Variants in ADGRB3 observed in about 807,000 individuals in gnomAD.
ADGRB3 encodes brain-specific angiogenesis inhibitor 3.
ADGRB3 carries 37 observed loss-of-function variants against 193.4 expected under a neutral mutation model. The observed-to-expected ratio is 0.19, with a 90% CI of 0.15 to 0.25. ADGRB3 has a LOEUF of 0.25. Among genes scored for constraint, ADGRB3 ranks in the 10% least tolerant of loss-of-function variants. The pLI is 1.00. For missense variants in ADGRB3, 1,637 were observed against 1,852.9 expected (o/e 0.88, Z 2.14); for synonymous variants, 690 against 644.2 (o/e 1.07, Z -1.08).
chr6:68,801,347 G>T (rs1258631695), intron 3 of ADGRB3, among the ~76,000 whole-genome samples: 5 of 152,162 alleles, frequency 3.3e-5, no homozygotes, highest in Non-Finnish European at 7.4e-5. Context: ...AAAAAAGAGA[G>T]TCTCTATCCT....
intron 19 of ADGRB3, 117 bp downstream of exon 19, chr6:69,235,252 T>C: frequency 2.5e-6 from 2 of 803,576 alleles, no homozygotes; most frequent in Non-Finnish European, 2.0e-6. Context: ...GCAGTATTTT[T>C]ACAACAGAGT....
chr6:69,112,698 C>T (rs1398697928), intron 17 of ADGRB3, among the ~76,000 whole-genome samples: 1 of 151,916 alleles, frequency 6.6e-6, no homozygotes, highest in Non-Finnish European at 1.5e-5. Flanking sequence ...ACTCTAAAAA[C>T]AATATAGTAT....
chr6:68,689,400 T>C (rs1157398075), intron 3 of ADGRB3, among the ~76,000 whole-genome samples: 1 of 152,054 alleles, frequency 6.6e-6, no homozygotes, highest in Non-Finnish European at 1.5e-5. Context: ...GTGCAGTTCA[T>C]AGGGTACAAA....
intron 17 of ADGRB3, among the ~76,000 whole-genome samples, chr6:69,121,915 C>T (rs1359985935): frequency 6.9e-6 from 1 of 144,110 alleles, no homozygotes; most frequent in Admixed American, 6.9e-5. Context: ...CAGGTGGAAG[C>T]GCTCCTCTCA....
intron 17 of ADGRB3, among the ~76,000 whole-genome samples, chr6:69,084,384 T>C (rs962855567): frequency 1.3e-5 from 2 of 152,118 alleles, no homozygotes; most frequent in Non-Finnish European, 2.9e-5. Context: ...AACTACCAAA[T>C]GTGTAGAATC....
chr6:68,765,420 C>T (rs367597040), intron 3 of ADGRB3, among the ~76,000 whole-genome samples: 19 of 151,946 alleles, frequency 1.3e-4, no homozygotes, highest in Middle Eastern at 3.4e-3. Flanking sequence ...ACATTTTATC[C>T]GCCTATTAAC....
chr6:68,720,290 A>G (rs1194250344), intron 3 of ADGRB3, among the ~76,000 whole-genome samples: 1 of 151,758 alleles, frequency 6.6e-6, no homozygotes, highest in African/African-American at 2.4e-5. Flanking sequence ...ATCAACTGCT[A>G]AGACAGCCCT....
chr6:69,185,672 G>C (rs900598756), intron 17 of ADGRB3, among the ~76,000 whole-genome samples: 2 of 152,042 alleles, frequency 1.3e-5, no homozygotes, highest in African/African-American at 2.4e-5. Flanking sequence ...TTTAGGTCTT[G>C]ATTCATGTAA....
chr6:69,125,681 T>C (rs1031393295), intron 17 of ADGRB3, among the ~76,000 whole-genome samples: 1 of 152,222 alleles, frequency 6.6e-6, no homozygotes, highest in African/African-American at 2.4e-5. Context: ...TTTATTATAG[T>C]GGCCCAAACA....
At chr6:69,261,998 T>C (rs561518837) in intron 20 of ADGRB3, among the ~76,000 whole-genome samples, 1 of 152,044 alleles carries the variant, frequency 6.6e-6, no homozygotes, top group Non-Finnish European at 1.5e-5. Flanking sequence ...GCTTTGCCTT[T>C]AATGAATTCT....
At chr6:69,058,746 C>T (rs62416805) in intron 15 of ADGRB3, among the ~76,000 whole-genome samples, 1 of 151,938 alleles carries the variant, frequency 6.6e-6, no homozygotes, top group Non-Finnish European at 1.5e-5. Flanking sequence ...ACATATTTCT[C>T]AATTTTTCAG....
chr6:68,661,276 C>A, intron 3 of ADGRB3, among the ~76,000 whole-genome samples: 1 of 143,124 alleles, frequency 7.0e-6, no homozygotes. Context: ...AAGAAACAAA[C>A]ATTATAGGTG....
At chr6:69,279,551 A>C (rs1767388883) in intron 20 of ADGRB3, among the ~76,000 whole-genome samples, 1 of 152,154 alleles carries the variant, frequency 6.6e-6, no homozygotes. Context: ...ATTCTGCACT[A>C]TCAGACTGTA....
chr6:69,100,839 AAG>A (rs1773014058), intron 17 of ADGRB3, among the ~76,000 whole-genome samples: 1 of 127,938 alleles, frequency 7.8e-6, no homozygotes, highest in African/African-American at 2.9e-5. Flanking sequence ...GGAAGGAAGG[AAG>A]GAGGGAGGGA....
At chr6:69,367,454 G>A (rs1769596416) in intron 29 of ADGRB3, among the ~76,000 whole-genome samples, 1 of 151,912 alleles carries the variant, frequency 6.6e-6, no homozygotes, top group South Asian at 2.1e-4. Context: ...TTCCACAATG[G>A]TTGAACTAGT....
intron 3 of ADGRB3, among the ~76,000 whole-genome samples, chr6:68,640,971 T>C (rs562832504): frequency 1.3e-5 from 2 of 152,276 alleles, no homozygotes; most frequent in South Asian, 4.1e-4. Context: ...TTATTTTCTG[T>C]AGTAAAAAAT....
At chr6:69,316,937 G>A (rs1205612826) in intron 20 of ADGRB3, among the ~76,000 whole-genome samples, 1 of 151,444 alleles carries the variant, frequency 6.6e-6, no homozygotes, top group African/African-American at 2.4e-5. Context: ...GAATACATAA[G>A]ATAACTAAAG....
At chr6:68,773,025 A>T (rs994726474) in intron 3 of ADGRB3, among the ~76,000 whole-genome samples, 2 of 149,054 alleles carry the variant, frequency 1.3e-5, no homozygotes, top group Non-Finnish European at 3.0e-5. Context: ...CTGAGGTGGG[A>T]GGATCACCTG....
rs201640715 is a variant in ADGRB3, at chr6:68,975,206, G to A, written c.1628-28G>A. 76 of 1,579,458 alleles carry A rather than the reference G, an allele frequency of 4.8e-5. No homozygotes were observed. In the East Asian group the frequency reaches 1.4e-3, roughly 30 times the overall value. ...TGCCTTCAAACATCCCTATTATAAA[G>A]CTTCTCTCTGTTCTTTGTGACACAC... On this transcript the variant is annotated intron_variant, in intron 9 of 31. Coordinates refer to ENST00000370598, the MANE Select transcript of ADGRB3 (RefSeq NM_001704.3).
Sources: allele counts gnomAD v4.1 joint callset (sites outside exome capture counted in the v4.1 genomes callset), GRCh38; gene constraint gnomAD v4.1.1; transcripts MANE v1.5; gene names NCBI Gene and HGNC (gene_info 2026-07-23, HGNC 2026-07-21).